MCCC1: variants seen among roughly 807,000 people sequenced by gnomAD.
The protein encoded by MCCC1 is methylcrotonoyl-CoA carboxylase subunit alpha, mitochondrial.
Under a neutral mutation model 83.8 loss-of-function variants are expected in MCCC1, and 64 were observed. The observed-to-expected ratio is 0.76, with a 90% confidence interval of 0.62 to 0.94. The LOEUF is 0.94. Among genes scored for constraint, MCCC1 ranks in the 40% least tolerant of loss-of-function variants. The pLI, the probability that MCCC1 is intolerant of heterozygous loss-of-function variation, is 0.00. For missense variants in MCCC1, 807 were observed against 904.7 expected (o/e 0.89, Z 1.39); for synonymous variants, 322 against 315.4 (o/e 1.02, Z -0.22).
intron 7 of MCCC1, among the ~76,000 whole-genome samples, chr3:183,060,896 G>A (rs934726256): frequency 6.6e-6 from 1 of 152,154 alleles, no homozygotes; most frequent in South Asian, 2.1e-4. Flanking sequence ...CCCTACAAAG[G>A]ACATGAACTC....
At chr3:183,031,733 C>T (rs767796843) in intron 14 of MCCC1, among the ~76,000 whole-genome samples, 2 of 151,330 alleles carry the variant, frequency 1.3e-5, no homozygotes, top group Non-Finnish European at 2.9e-5. Flanking sequence ...CTCCTGACCT[C>T]GTGATCCACC....
chr3:183,044,856 T>C (rs1714411040), intron 10 of MCCC1, among the ~76,000 whole-genome samples: 1 of 152,106 alleles, frequency 6.6e-6, no homozygotes, highest in Admixed American at 6.5e-5. Context: ...CCGTCCAAAA[T>C]GACACCTGTT....
rs777931868 is a variant in MCCC1 at position 183,024,517 on chromosome 3, A to G, written c.1731+1238T>C. Among the ~76,000 whole-genome samples, 198 of 152,262 alleles carry G rather than the reference A, an allele frequency of 1.3e-3. 1 individual carries two copies. Among genetic ancestry groups the G allele is most frequent in the Non-Finnish European group, 1.9e-3 (132 of 68,014 alleles). On this transcript the variant is annotated intron_variant, in intron 15 of 18. Coordinates refer to ENST00000265594, the MANE Select transcript of MCCC1 (RefSeq NM_020166.5). ...TTCTAACAAGATATACAAATGGCCAATAAGTAAAGATGCTCAACATCATTA... is the reference window on the plus strand; with the variant it reads ...TTCTAACAAGATATACAAATGGCCAGTAAGTAAAGATGCTCAACATCATTA...
chr3:183,095,655 G>A (rs984700216), intron 1 of MCCC1, among the ~76,000 whole-genome samples: 9 of 152,064 alleles, frequency 5.9e-5, no homozygotes, highest in African/African-American at 1.9e-4. Context: ...TTGGAAAGCC[G>A]TAAACCATGA....
At chr3:183,113,751 G>C in intron 1 of MCCC1, among the ~76,000 whole-genome samples, 1 of 151,834 alleles carries the variant, frequency 6.6e-6, no homozygotes, top group Admixed American at 6.6e-5. Flanking sequence ...ATAATAAACT[G>C]GTAAAAGTGT....
At chr3:183,068,705 A>G (rs1440348141) in intron 7 of MCCC1, among the ~76,000 whole-genome samples, 1 of 152,232 alleles carries the variant, frequency 6.6e-6, no homozygotes, top group Non-Finnish European at 1.5e-5. Context: ...TGATTTCATA[A>G]GATTATGATA....
intron 7 of MCCC1, among the ~76,000 whole-genome samples, chr3:183,057,863 G>C (rs926431368): frequency 6.6e-6 from 1 of 152,110 alleles, no homozygotes; most frequent in African/African-American, 2.4e-5. Flanking sequence ...CAGAGTGAGA[G>C]ACCCTGTCAA....
intron 7 of MCCC1, 42 bp from the exon 8 acceptor site, chr3:183,057,464 G>T (rs924308641): frequency 2.8e-6 from 4 of 1,430,536 alleles, no homozygotes; most frequent in Admixed American, 1.9e-5. Context: ...TTTGTTAGGG[G>T]TGATAAATAT....
chr3:183,112,898 C>A (rs1034888079), intron 1 of MCCC1, among the ~76,000 whole-genome samples: 22 of 151,336 alleles, frequency 1.5e-4, no homozygotes, highest in Admixed American at 1.4e-3. Context: ...TGTAGTGAGA[C>A]CCCCATCTTA....
intron 4 of MCCC1, among the ~76,000 whole-genome samples, chr3:183,072,689 TTTC>T (rs1298256407): frequency 6.6e-6 from 1 of 152,200 alleles, no homozygotes; most frequent in Non-Finnish European, 1.5e-5. Context: ...TGAATCTATA[TTTC>T]TTTTTATTGT....
intron 4 of MCCC1, among the ~76,000 whole-genome samples, chr3:183,079,207 C>T (rs1717306502): frequency 6.6e-6 from 1 of 152,176 alleles, no homozygotes; most frequent in African/African-American, 2.4e-5. Flanking sequence ...AAAGTCTTAA[C>T]TTATTTTAGC....
chr3:183,055,124 C>CTG (rs1285561600), intron 8 of MCCC1, among the ~76,000 whole-genome samples: 2 of 152,106 alleles, frequency 1.3e-5, no homozygotes, highest in East Asian at 3.8e-4. Flanking sequence ...AAAAAGCTGG[C>CTG]CGGGTGCGGT....
At chr3:183,110,393 ATTTT>A (rs57833543) in intron 1 of MCCC1, among the ~76,000 whole-genome samples, 2 of 129,550 alleles carry the variant, frequency 1.5e-5, no homozygotes, top group African/African-American at 2.9e-5. Flanking sequence ...TTTAGTCACA[ATTTT>A]TTTTTTTTTT....
intron 14 of MCCC1, among the ~76,000 whole-genome samples, chr3:183,030,278 T>C (rs752763099): frequency 2.0e-5 from 3 of 152,136 alleles, no homozygotes; most frequent in Non-Finnish European, 4.4e-5. Context: ...ACGGCACTCC[T>C]GCCTGGGCAA....
chr3:183,098,973 T>C, intron 1 of MCCC1: 1 of 368,338 alleles, frequency 2.7e-6, no homozygotes, highest in Non-Finnish European at 5.1e-6. Context: ...GTTGATCCCT[T>C]TGGGCTTCCC....
chr3:183,074,858 C>T (rs976171882), intron 4 of MCCC1, among the ~76,000 whole-genome samples: 2 of 152,184 alleles, frequency 1.3e-5, no homozygotes, highest in Non-Finnish European at 2.9e-5. Context: ...TTTTCTGCTC[C>T]TCTCCCTCCC....
upstream of MCCC1, among the ~76,000 whole-genome samples, chr3:183,102,568 C>T (rs11710333): frequency 6.6e-6 from 1 of 151,830 alleles, no homozygotes; most frequent in African/African-American, 2.4e-5. Flanking sequence ...GACCTTCATT[C>T]TAGATTTTAA....
At chr3:183,088,233 G>A (rs1427112083) in intron 3 of MCCC1, among the ~76,000 whole-genome samples, 1 of 148,392 alleles carries the variant, frequency 6.7e-6, no homozygotes, top group East Asian at 2.0e-4. Flanking sequence ...TTTGAGGTAA[G>A]TCTTGCTCTG....
At chr3:183,099,136 G>C in intron 1 of MCCC1, 1 of 610,248 alleles carries the variant, frequency 1.6e-6, no homozygotes, top group South Asian at 1.9e-5. Flanking sequence ...GCGCTGAAGC[G>C]TGGATGTGCG....
Sources: gnomAD v4.1 joint callset for allele counts (sites outside exome capture counted in the v4.1 genomes callset) on GRCh38, gnomAD v4.1.1 for gene constraint, MANE v1.5 for transcripts, NCBI Gene and HGNC (gene_info 2026-07-23, HGNC 2026-07-21) for gene names.